FMNL1: variants seen among roughly 807,000 people sequenced by gnomAD.
FMNL1 encodes formin-like protein 1.
FMNL1 carries 43 observed loss-of-function variants against 121.3 expected under a neutral mutation model. That is an observed-to-expected ratio of 0.35 (90% CI 0.28 to 0.46). FMNL1 has a LOEUF of 0.46. FMNL1 is among the 20% of genes least tolerant of loss of function. The probability of loss-of-function intolerance (pLI) is 1.00; values close to 1 mark genes in which losing one functional copy is unlikely to be tolerated. For synonymous variants in FMNL1, 613 were observed against 613.5 expected, an observed-to-expected ratio of 1.00 and a Z score of 0.01; for missense variants, 1,191 against 1,482.4, an observed-to-expected ratio of 0.80 and a Z score of 3.23.
chr17:45,242,090 C>G lies in FMNL1; in HGVS notation c.1829C>G (p.Pro610Arg), dbSNP rs1472577744. The change falls in exon 15 of 27, where the codon CCG (proline) becomes CGG (arginine). Residue 610 changes from proline (P) to arginine (R), a missense_variant. Coordinates refer to ENST00000331495, the MANE Select transcript of FMNL1 (RefSeq NM_005892.4). ...CCTCCGCCGCCGCCGCCGCCGCCGCCGCCTCCCGGAGGTCCTCCTGATGCC... is the reference window on the plus strand; with the variant it reads ...CCTCCGCCGCCGCCGCCGCCGCCGCGGCCTCCCGGAGGTCCTCCTGATGCC... ...PVPPPPPPPP[P>R]PPGGPPDALG... 6 of 1,527,290 alleles carry G rather than the reference C, an allele frequency of 3.9e-6. No homozygotes were observed. The highest frequency in any genetic ancestry group is 5.3e-6 in the Non-Finnish European group (6 of 1,141,058). The allele number at this position is 1,527,290 out of a possible 1,614,324, so 94.6% of individuals were successfully genotyped here.
chr17:45,245,266 T>C lies in FMNL1; in HGVS notation c.2742T>C (p.Ser914=). The C allele has an allele frequency of 6.2e-7, 1 of 1,614,206 alleles. No homozygotes were observed. The highest frequency in any genetic ancestry group is 8.5e-7 in the Non-Finnish European group (1 of 1,180,026). ...TCCCTGGCCCAGTGTCCCTGGACAG[T>C]GTCCTGGCGGACGTGCGCTCCCTGC... ...LDKAGSVSLD[S]VLADVRSLQR... Residue 914 remains serine, a synonymous_variant, in exon 22 of 27, where the codon AGT becomes AGC. Transcript: ENST00000331495.
intron 18 of FMNL1, 42 bp from the exon 19 acceptor site, chr17:45,244,131 TGGA>T: frequency 1.2e-6 from 2 of 1,609,574 alleles, no homozygotes; most frequent in Non-Finnish European, 1.7e-6. Context: ...AGCCTCCAGA[TGGA>T]GGAGGCTCCA....
intron 1 of FMNL1, among the ~76,000 whole-genome samples, chr17:45,227,179 G>T (rs561330467): frequency 9.2e-5 from 14 of 152,248 alleles, no homozygotes; most frequent in South Asian, 8.3e-4. Flanking sequence ...GGGGTACCCT[G>T]GGGCTTGAAG....
At chr17:45,238,809 G>T (rs2043613701) in intron 10 of FMNL1, 146 bp from the exon 11 acceptor site, 2 of 1,063,474 alleles carry the variant, frequency 1.9e-6, no homozygotes, top group East Asian at 2.5e-5. Flanking sequence ...AGGGAACATG[G>T]AGGTGAAATG....
chr17:45,239,937 C>T (rs2043645801), intron 11 of FMNL1, among the ~76,000 whole-genome samples: 1 of 151,956 alleles, frequency 6.6e-6, no homozygotes, highest in Admixed American at 6.6e-5. Flanking sequence ...TTATAGGTGC[C>T]CACCACCACA....
intron 2 of FMNL1, among the ~76,000 whole-genome samples, chr17:45,232,090 C>T (rs2043451220): frequency 6.6e-6 from 1 of 152,156 alleles, no homozygotes; most frequent in Admixed American, 6.5e-5. Flanking sequence ...AGGAGGATCG[C>T]TTGAGCCCGG....
At chr17:45,234,405 CTGTAATCCCAGCACT>C (rs2043507566) in intron 6 of FMNL1, 10 of 781,156 alleles carry the variant, frequency 1.3e-5, no homozygotes, top group Non-Finnish European at 2.0e-5. Context: ...TGGCTCATGC[CTGTAATCCCAGCACT>C]TTGGGAGACT....
chr17:45,222,178 C>A lies in FMNL1; in HGVS notation c.54C>A (p.Pro18=). ...AGCCCGCGGGCCCCGCCGCGCCGCC[C>A]CCCAAGCAGCCCGCGCCTCCCAAGC... ...AEQPAGPAAP[P]PKQPAPPKQP... Residue 18 remains proline, a synonymous_variant, in exon 1 of 27, where the codon CCC becomes CCA. Transcript: ENST00000331495. The A allele has an allele frequency of 8.1e-7, 1 of 1,232,730 alleles. No homozygotes were observed. Among genetic ancestry groups the A allele is most frequent in the Non-Finnish European group, 1.0e-6 (1 of 986,494 alleles). The allele number at this position is 1,232,730 out of a possible 1,614,324, so 76.4% of individuals were successfully genotyped here. A position where few individuals can be genotyped will look rare whatever the true frequency, so the allele number is the denominator to read the frequency against.
At position 45,245,352 on chromosome 17, in the gene FMNL1, A is replaced by G. The variant is rs1451162967; in HGVS notation, c.2828A>G (p.Lys943Arg). 1 of 1,614,104 alleles carries G rather than the reference A, an allele frequency of 6.2e-7. No homozygotes were observed. The highest frequency in any genetic ancestry group is 8.5e-7 in the Non-Finnish European group (1 of 1,180,046). The change falls in exon 22 of 27, where the codon AAG (lysine) becomes AGG (arginine). Residue 943 changes from lysine to arginine, a missense_variant. Physicochemically the swap from Lys to Arg is conservative, Grantham distance 26. Coordinates refer to ENST00000331495, the MANE Select transcript of FMNL1 (RefSeq NM_005892.4). ...FVRQDDCMVL[K>R]EFLRANSPTM... The stretch of plus-strand genomic sequence containing the variant: ...CGGCAGGATGACTGCATGGTGCTCA[A>G]GGAGTTCCTGAGGGCCAACTCGCCC...
Position 45,241,140 on chromosome 17 carries a change from G to A in FMNL1, c.1242G>A (p.Arg414=), listed in dbSNP as rs1384556697. ...LQEQVALLTE[R]LRDAENESMA... ...TGCTGGTGCTACAGCTGACAGAGCGGCTTCGGGACGCGGAGAACGAATCCA... is the reference window on the plus strand; with the variant it reads ...TGCTGGTGCTACAGCTGACAGAGCGACTTCGGGACGCGGAGAACGAATCCA... Residue 414 remains arginine, a synonymous_variant, in exon 13 of 27, where the codon CGG becomes CGA. Coordinates refer to ENST00000331495, the MANE Select transcript of FMNL1 (RefSeq NM_005892.4). This position sits in a 1 kb window ranked among gnomAD's most constrained non-coding sequence, Gnocchi z 7.0. 1 of 1,614,076 alleles carries A rather than the reference G, an allele frequency of 6.2e-7. No individual in the cohort carries two copies. The highest frequency in any genetic ancestry group is 8.5e-7 in the Non-Finnish European group (1 of 1,179,968).
Position 45,245,324 on chromosome 17 carries a change from G to T in FMNL1, c.2800G>T (p.Val934Leu). The T allele has an allele frequency of 6.2e-7, 1 of 1,614,218 alleles. No homozygotes were observed. Among genetic ancestry groups the T allele is most frequent in the Non-Finnish European group, 8.5e-7 (1 of 1,180,028 alleles). The change falls in exon 22 of 27, where the codon GTG (valine) becomes TTG (leucine). Residue 934 changes from valine (V) to leucine (L), a missense_variant. By Grantham distance (32) the Val-to-Leu change is conservative (BLOSUM62 1). Around this residue, in one of 4 missense-constraint regions of FMNL1, gnomAD observed 367 missense variants for 528.6 expected, o/e 0.69. Transcript: ENST00000331495. ...RGLELTQREFVRQDDCMVLKE... is the reference protein window; with the variant it reads ...RGLELTQREFLRQDDCMVLKE... Reference sequence around the variant, plus strand: ...CCTAGAGTTGACACAGAGAGAGTTTGTGCGGCAGGATGACTGCATGGTGCT... The same window carrying T: ...CCTAGAGTTGACACAGAGAGAGTTTTTGCGGCAGGATGACTGCATGGTGCT...
At chr17:45,246,007 G>T (rs758762659) in intron 24 of FMNL1, 34 bp downstream of exon 24, 1 of 1,524,432 alleles carries the variant, frequency 6.6e-7, no homozygotes, top group South Asian at 1.3e-5. Flanking sequence ...GTACTGGGCT[G>T]CAGGGATGCA....
rs1159064409 is a variant in FMNL1, at chr17:45,241,822, C to T, written c.1586-25C>T. On this transcript the variant is annotated intron_variant, in intron 14 of 26. Coordinates refer to ENST00000331495, the MANE Select transcript of FMNL1 (RefSeq NM_005892.4). This position sits in a 1 kb window ranked among gnomAD's most constrained non-coding sequence, Gnocchi z 7.0. ...GTCAAGGAGCTGACTCGCGCCTCCC[C>T]CACGCCGCGCCCTCGCTGGCTCAGA... The T allele has an allele frequency of 7.1e-7, 1 of 1,411,342 alleles. No individual in the cohort carries two copies. The highest frequency in any genetic ancestry group is 9.2e-7 in the Non-Finnish European group (1 of 1,090,766). 87.4% of individuals were successfully genotyped at this position (1,411,342 alleles called of 1,614,324 possible). A position where few individuals can be genotyped will look rare whatever the true frequency, so the allele number is the denominator to read the frequency against.
At chr17:45,240,810 A>T in intron 12 of FMNL1, 185 bp downstream of exon 12, 4 of 911,906 alleles carry the variant, frequency 4.4e-6, no homozygotes, top group Non-Finnish European at 6.4e-6. Flanking sequence ...GTCTTTCTCA[A>T]TGAGTGTGGG....
intron 2 of FMNL1, 60 bp downstream of exon 2, chr17:45,230,747 C>A: frequency 6.4e-7 from 1 of 1,560,198 alleles, no homozygotes; most frequent in Non-Finnish European, 8.8e-7. Context: ...CCACCCTGAC[C>A]AGGCTGGGGC....
chr17:45,245,444 G>C (rs757508002), intron 22 of FMNL1, 28 bp downstream of exon 22: 3 of 1,613,912 alleles, frequency 1.9e-6, no homozygotes, highest in Non-Finnish European at 2.5e-6. Context: ...TCACCTGGAG[G>C]TGGGGCATGT....
rs757090305 is a variant in FMNL1, at chr17:45,245,956, G to A, written c.3073G>A (p.Glu1025Lys). ...AGGCGCTGATACCCCGGGCAAAGGG[G>A]AGCCCCCAGCACCCAAGGTAGGCAA... Reference protein sequence around the residue: ...EAGADTPGKGEPPAPKSPPKA... With the variant: ...EAGADTPGKGKPPAPKSPPKA... Residue 1025 changes from glutamate to lysine, a missense_variant, in exon 24 of 27, where the codon GAG becomes AAG. Glu to Lys is a moderately conservative substitution (Grantham distance 56). Around this residue, in one of 4 missense-constraint regions of FMNL1, gnomAD observed 367 missense variants for 528.6 expected, o/e 0.69. Coordinates refer to ENST00000331495, the MANE Select transcript of FMNL1 (RefSeq NM_005892.4). 1 of 1,573,970 alleles carries A rather than the reference G, an allele frequency of 6.4e-7. No individual in the cohort carries two copies. Among genetic ancestry groups the A allele is most frequent in the Non-Finnish European group, 8.6e-7 (1 of 1,164,950 alleles).
Position 45,242,206 on chromosome 17 carries a change from G to T in FMNL1, c.1885+60G>T, listed in dbSNP as rs369448128. The T allele has an allele frequency of 7.1e-5, 109 of 1,541,134 alleles. 2 individuals carry two copies. The highest frequency in any genetic ancestry group is 6.7e-4 in the South Asian group (55 of 82,538). On this transcript the variant is annotated intron_variant, in intron 15 of 26. Transcript: ENST00000331495. ...GGGGGAGATGGAGGGAGGGGCCTGG[G>T]CCTCAGTGTCCTCCAGGGTCCTCTG...
At position 45,240,629 on chromosome 17, in the gene FMNL1, A is replaced by G. The variant is rs762871204; in HGVS notation, c.1230+4A>G. 3.1e-6 allele frequency: 5 copies of G among 1,612,266 alleles called. No homozygotes were observed. The African/African-American group carries it at 6.7e-5, about 22-fold the overall frequency. On this transcript the variant is annotated splice_donor_region_variant and intron_variant, in intron 12 of 26. Transcript: ENST00000331495. ...ACTGCAGGAGCAAGTGGCGCTGGTG[A>G]GAGTGGGTCCTGACCCCAGCCCAGC... is the stretch of plus-strand genomic sequence containing the variant.
Sources: gnomAD v4.1 joint callset for allele counts (sites outside exome capture counted in the v4.1 genomes callset) on GRCh38, gnomAD v4.1.1 for gene constraint, gnomAD v4.1.1 regional missense constraint, Gnocchi (gnomAD v3.1) non-coding constraint, MANE v1.5 for transcripts, NCBI Gene and HGNC (gene_info 2026-07-23, HGNC 2026-07-21) for gene names.